Variants in ZNF185 observed in about 807,000 individuals in gnomAD.
ZNF185 encodes the protein zinc finger protein 185.
ZNF185 carries 56 observed loss-of-function variants against 58.6 expected under a neutral mutation model. The ratio of observed to expected loss-of-function variants is 0.95; its 90% CI spans 0.77 to 1.19. The LOEUF (loss-of-function observed/expected upper bound fraction) is 1.19. Among genes scored for constraint, ZNF185 ranks in the 50% most tolerant of loss-of-function variants. The pLI, the probability that ZNF185 is intolerant of heterozygous loss-of-function variation, is 0.00. For missense variants in ZNF185, 627 were observed against 573.5 expected (o/e 1.09, Z -0.95); for synonymous variants, 230 against 215.9 (o/e 1.07, Z -0.57).
chrX:152,967,731 G>A (rs1216922273), intron 20 of ZNF185, among the ~76,000 whole-genome samples: 2 of 112,125 alleles, frequency 1.8e-5, no homozygotes, highest in African/African-American at 3.2e-5. Context: ...AGAACACCTC[G>A]TTCAGCAGTT....
In ZNF185 at chrX:152,938,895, G is replaced by GTT. The variant is rs1200055855; in HGVS notation, c.1211+732_1211+733insTT. Among the ~76,000 whole-genome samples, 5 of 84,496 alleles carry GTT rather than the reference G, an allele frequency of 5.9e-5. 1 individual carries two copies. Among genetic ancestry groups the GTT allele is most frequent in the African/African-American group, 2.9e-4 (5 of 17,427 alleles). The allele number at this position is 84,496 out of a possible 115,157, so 73.4% of individuals were successfully genotyped here. ...TAGGTGGGTGGAAAAGGCAACTCAG[G>GTT]CGATCTCCTCTAAAGAGGAGAAGGA... is the stretch of plus-strand genomic sequence containing the variant. On this transcript the variant is annotated intron_variant, in intron 15 of 22. Coordinates refer to ENST00000449285, the Ensembl canonical transcript of ZNF185.
chrX:152,911,006 TC>T (rs2045596387), upstream of ZNF185, among the ~76,000 whole-genome samples: 8 of 111,468 alleles, frequency 7.2e-5, no homozygotes, highest in Admixed American at 7.6e-4. Context: ...CTTCAGGCAA[TC>T]ACTCCCTGGT....
intron 11 of ZNF185, among the ~76,000 whole-genome samples, chrX:152,924,281 G>GTT (rs782163872): frequency 8.5e-5 from 9 of 105,783 alleles, no homozygotes; most frequent in African/African-American, 3.1e-4. Context: ...TACCCAGCTA[G>GTT]TTTTTTTTTT....
chrX:152,914,515 G>A (rs6526142), exon 1 of ZNF185: 333,722 of 1,173,177 alleles, frequency 0.28, 34,293 homozygotes, highest in African/African-American at 0.35. Flanking sequence ...CTTGGAGGCC[G>A]CACCAAAGGT....
intron 10 of ZNF185, 54 bp from the exon 12 acceptor site, chrX:152,922,666 C>T: frequency 9.2e-7 from 1 of 1,088,255 alleles, no homozygotes. Flanking sequence ...TCAGCATGCC[C>T]AGGGAGGAGG....
chrX:152,963,985 C>G, intron 18 of ZNF185, 36 bp downstream of exon 20: 2 of 1,152,557 alleles, frequency 1.7e-6, no homozygotes. Context: ...GGAGATGTTC[C>G]TCCGCCACTT....
At chrX:152,964,229 T>C (rs2049874718) in intron 18 of ZNF185, among the ~76,000 whole-genome samples, 1 of 112,856 alleles carries the variant, frequency 8.9e-6, no homozygotes, top group Non-Finnish European at 1.9e-5. Flanking sequence ...CATTCATGGG[T>C]CCATGCCTGG....
the ZNF185 span, among the ~76,000 whole-genome samples, chrX:152,908,937 G>A: frequency 8.8e-6 from 1 of 113,471 alleles, no homozygotes; most frequent in Non-Finnish European, 1.9e-5. Flanking sequence ...TGACACAGGG[G>A]TGGTGCTCCA....
At chrX:152,903,262 G>A in the ZNF185 span, among the ~76,000 whole-genome samples, 11 of 108,206 alleles carry the variant, frequency 1.0e-4, no homozygotes, top group East Asian at 8.7e-4. Context: ...GGTGGCAGGC[G>A]TCTGTAATCC....
intron 15 of ZNF185, among the ~76,000 whole-genome samples, chrX:152,940,000 C>T (rs1053194428): frequency 2.7e-5 from 3 of 110,550 alleles, no homozygotes; most frequent in Non-Finnish European, 3.8e-5. Context: ...CCAGGCTGGT[C>T]TCAAACTCCT....
At chrX:152,968,187 A>G in intron 20 of ZNF185, among the ~76,000 whole-genome samples, 1 of 112,370 alleles carries the variant, frequency 8.9e-6, no homozygotes, top group Non-Finnish European at 1.9e-5. Context: ...CTGAGTAACT[A>G]CAGATTACTT....
At position 152,970,441 on chromosome X, in the gene ZNF185, A is replaced by G. The variant is rs782445245; in HGVS notation, c.1975-2A>G. 8.3e-7 allele frequency: 1 copy of G among 1,207,962 alleles called. No homozygotes were observed. Among genetic ancestry groups the G allele is most frequent in the East Asian group, 3.0e-5 (1 of 33,695 alleles). On this transcript the variant is annotated splice_acceptor_variant, in intron 21 of 22. Transcript: ENST00000449285. LOFTEE classifies it high-confidence loss of function. ...TGACCTCCAGCTTGCTTTTCTTTTC[A>G]GTGTGGGATTTGCAGTAAACCGATG... is the stretch of plus-strand genomic sequence containing the variant.
upstream of ZNF185, among the ~76,000 whole-genome samples, chrX:152,910,470 T>A (rs1556860920): frequency 8.9e-6 from 1 of 112,508 alleles, no homozygotes; most frequent in African/African-American, 3.2e-5. Context: ...TTTCACTGAG[T>A]GATGTATAGA....
intron 18 of ZNF185, 43 bp downstream of exon 20, chrX:152,963,992 A>G: frequency 2.6e-6 from 3 of 1,143,943 alleles, no homozygotes; most frequent in Middle Eastern, 2.4e-4. Context: ...TTCCTCCGCC[A>G]CTTCCTCCTT....
chrX:152,937,281 C>G (rs1261442115), intron 14 of ZNF185, among the ~76,000 whole-genome samples: 1 of 111,887 alleles, frequency 8.9e-6, no homozygotes, highest in Non-Finnish European at 1.9e-5. Flanking sequence ...TCAGCAGCAG[C>G]TCTCTTACAC....
chrX:152,920,249 G>T (rs1414179230), intron 7 of ZNF185, 79 bp from the exon 9 acceptor site: 2 of 1,063,517 alleles, frequency 1.9e-6, no homozygotes, highest in African/African-American at 3.6e-5. Flanking sequence ...AAGTCACCCC[G>T]AGTCCATCCC....
At chrX:152,939,147 A>G (rs1022066563) in intron 15 of ZNF185, among the ~76,000 whole-genome samples, 6 of 112,228 alleles carry the variant, frequency 5.3e-5, no homozygotes, top group Admixed American at 4.7e-4. Context: ...TTAGGTGTTT[A>G]AAAGGTGAAT....
intron 16 of ZNF185, among the ~76,000 whole-genome samples, chrX:152,955,782 A>G (rs2048759243): frequency 9.0e-6 from 1 of 111,147 alleles, no homozygotes; most frequent in Non-Finnish European, 1.9e-5. Flanking sequence ...TGCGCCTGTA[A>G]TCCCAGCTAC....
chrX:152,920,815 G>A (rs1051098909), intron 9 of ZNF185, 67 bp downstream of exon 10: 18 of 1,135,279 alleles, frequency 1.6e-5, no homozygotes, highest in Non-Finnish European at 2.1e-5. Context: ...CGTCAGCAGG[G>A]GTGTAGTGTG....
Sources: allele counts gnomAD v4.1 joint callset (sites outside exome capture counted in the v4.1 genomes callset), GRCh38; gene constraint gnomAD v4.1.1; transcripts MANE v1.5; gene names NCBI Gene and HGNC (gene_info 2026-07-23, HGNC 2026-07-21).